SYN3: variants seen among roughly 807,000 people sequenced by gnomAD.
SYN3 encodes the protein synapsin-3.
A neutral mutation model predicts 65.8 loss-of-function variants in SYN3; 35 were observed. That is an observed-to-expected ratio of 0.53 (90% CI 0.41 to 0.70). The LOEUF (loss-of-function observed/expected upper bound fraction) is 0.70. Ranked by LOEUF, SYN3 falls within the 30% of genes least tolerant of loss-of-function variation. The pLI is 0.00. For missense variants in SYN3, 680 were observed against 749.0 expected, an observed-to-expected ratio of 0.91 and a Z score of 1.08; for synonymous variants, 270 against 292.9, an observed-to-expected ratio of 0.92 and a Z score of 0.80.
intron 2 of SYN3, among the ~76,000 whole-genome samples, chr22:32,999,184 C>T (rs2052985109): frequency 6.6e-6 from 1 of 152,130 alleles, no homozygotes; most frequent in East Asian, 1.9e-4. Context: ...TTAAGTTACA[C>T]AAGGGAGGTC....
intron 3 of SYN3, among the ~76,000 whole-genome samples, chr22:32,940,075 G>A (rs2050892312): frequency 6.6e-6 from 1 of 152,116 alleles, no homozygotes; most frequent in Non-Finnish European, 1.5e-5. Context: ...ATAGTACATT[G>A]TAGTTTTAGT....
At chr22:32,999,321 CAG>C (rs1406408646) in intron 2 of SYN3, among the ~76,000 whole-genome samples, 2 of 152,072 alleles carry the variant, frequency 1.3e-5, no homozygotes, top group African/African-American at 4.8e-5. Flanking sequence ...TTCCAGGTAA[CAG>C]GGAACAGAAT....
chr22:32,892,682 G>A (rs1002778815), intron 4 of SYN3, among the ~76,000 whole-genome samples: 6 of 152,150 alleles, frequency 3.9e-5, no homozygotes, highest in Non-Finnish European at 8.8e-5. Flanking sequence ...GGATACCACA[G>A]CCACCCACAG....
chr22:32,520,908 AAT>A (rs2057869692), intron 12 of SYN3, among the ~76,000 whole-genome samples: 1 of 152,186 alleles, frequency 6.6e-6, no homozygotes, highest in Non-Finnish European at 1.5e-5. Context: ...TCATTTGTAA[AAT>A]AAGGTCATTG....
intron 6 of SYN3, among the ~76,000 whole-genome samples, chr22:32,702,923 A>G (rs955970726): frequency 3.9e-5 from 6 of 152,234 alleles, no homozygotes; most frequent in Admixed American, 1.3e-4. Flanking sequence ...GCTAAGTGCA[A>G]TCTAACCAAA....
At chr22:32,643,369 C>T (rs1367423282) in intron 6 of SYN3, among the ~76,000 whole-genome samples, 1 of 152,134 alleles carries the variant, frequency 6.6e-6, no homozygotes, top group African/African-American at 2.4e-5. Context: ...TGAGCCACTG[C>T]GCCCCACCAA....
intron 6 of SYN3, among the ~76,000 whole-genome samples, chr22:32,669,040 A>T (rs2060327772): frequency 6.6e-6 from 1 of 152,224 alleles, no homozygotes; most frequent in Non-Finnish European, 1.5e-5. Context: ...GTTACCTTTT[A>T]TAATTTCTCA....
At position 32,627,369 on chromosome 22, in the gene SYN3, CAG is replaced by C. The variant is rs1370582749; in HGVS notation, c.712-30635_712-30634del. 2.0e-5 allele frequency among the ~76,000 whole-genome samples: 3 copies of C among 152,144 alleles called. 1 individual carries two copies. On this transcript the variant is annotated intron_variant, in intron 6 of 13. Coordinates refer to ENST00000358763, the MANE Select transcript of SYN3 (RefSeq NM_003490.4). The stretch of plus-strand genomic sequence containing the variant: ...GCAAAGATAGTGTGTACGTATGCTG[CAG>C]CTTCTGTGAGCCCTAATGCTCTGCT...
At chr22:32,590,705 G>C (rs1265438026) in intron 7 of SYN3, among the ~76,000 whole-genome samples, 1 of 151,988 alleles carries the variant, frequency 6.6e-6, no homozygotes, top group Non-Finnish European at 1.5e-5. Flanking sequence ...TTTAATTTTG[G>C]CTATTCTCGT....
intron 7 of SYN3, among the ~76,000 whole-genome samples, chr22:32,569,633 T>G (rs528996306): frequency 6.6e-6 from 1 of 151,268 alleles, no homozygotes. Flanking sequence ...ATTGCATGCA[T>G]AAGAGTTTTA....
chr22:32,633,872 A>G (rs1432110629), intron 6 of SYN3, among the ~76,000 whole-genome samples: 1 of 151,428 alleles, frequency 6.6e-6, no homozygotes, highest in Non-Finnish European at 1.5e-5. Context: ...CAATCCATCT[A>G]CCTCGGCCTC....
chr22:32,769,776 C>A (rs148937073), intron 6 of SYN3, among the ~76,000 whole-genome samples: 1 of 152,110 alleles, frequency 6.6e-6, no homozygotes, highest in Non-Finnish European at 1.5e-5. Flanking sequence ...CTCGGCCTCC[C>A]AAAGTGCTGG....
chr22:32,920,235 C>T (rs571959524), intron 4 of SYN3, among the ~76,000 whole-genome samples: 4 of 152,318 alleles, frequency 2.6e-5, no homozygotes, highest in Admixed American at 2.6e-4. Context: ...AGATTGGGGT[C>T]TCATTAACGT....
chr22:32,903,607 G>A lies in SYN3; in HGVS notation c.461+27783C>T, dbSNP rs143116388. Reference sequence around the variant, plus strand: ...GCAGCAGCCTCCATAGCTGGCTGCTGTAGCCCCTCACAGAGCTCATGGTTA... The same window carrying A: ...GCAGCAGCCTCCATAGCTGGCTGCTATAGCCCCTCACAGAGCTCATGGTTA... On this transcript the variant is annotated intron_variant, in intron 4 of 13. Transcript: ENST00000358763. Among the ~76,000 whole-genome samples, 1,137 of 152,300 alleles carry A rather than the reference G, an allele frequency of 7.5e-3. 14 individuals are homozygous for A. Among genetic ancestry groups the A allele is most frequent in the Middle Eastern group, 0.031 (9 of 294 alleles).
In SYN3 at chr22:32,508,246, A is replaced by C. The variant is rs1298307832; in HGVS notation, c.*5446T>G. 6.6e-6 allele frequency among the ~76,000 whole-genome samples: 1 copy of C among 152,128 alleles called. No individual in the cohort carries two copies. Among genetic ancestry groups the C allele is most frequent in the Non-Finnish European group, 1.5e-5 (1 of 68,022 alleles). On this transcript the variant is annotated 3_prime_UTR_variant, in exon 14 of 14. Transcript: ENST00000358763. ...CCTGCCCCACCTTAACTGAGTGATTAACCCTGTAAATTTCCTTCTTCTGGC... is the reference window on the plus strand; with the variant it reads ...CCTGCCCCACCTTAACTGAGTGATTCACCCTGTAAATTTCCTTCTTCTGGC...
intron 2 of SYN3, among the ~76,000 whole-genome samples, chr22:32,984,609 A>C (rs2052471091): frequency 1.3e-5 from 2 of 151,836 alleles, no homozygotes; most frequent in Non-Finnish European, 2.9e-5. Flanking sequence ...CTAAGAGTGC[A>C]ATTTGTAGGG....
intron 6 of SYN3, among the ~76,000 whole-genome samples, chr22:32,709,030 G>GC (rs555588653): frequency 1.1e-3 from 161 of 152,330 alleles, no homozygotes; most frequent in Non-Finnish European, 1.9e-3. Context: ...TCTTGCAGCA[G>GC]CAAGCAGAGG....
At chr22:32,647,204 C>T (rs991741412) in intron 6 of SYN3, among the ~76,000 whole-genome samples, 1 of 152,060 alleles carries the variant, frequency 6.6e-6, no homozygotes, top group Non-Finnish European at 1.5e-5. Flanking sequence ...TCTATGAGTT[C>T]CAAATCCAAG....
chr22:32,896,460 T>A (rs137519), intron 4 of SYN3, among the ~76,000 whole-genome samples: 149,473 of 152,322 alleles, frequency 0.98, 73,348 homozygotes, highest in East Asian at 1. Flanking sequence ...TGTCTCAAAA[T>A]ATAAAAATAA....
Sources: gnomAD v4.1 joint callset for allele counts (sites outside exome capture counted in the v4.1 genomes callset) on GRCh38, gnomAD v4.1.1 for gene constraint, MANE v1.5 for transcripts, NCBI Gene and HGNC (gene_info 2026-07-23, HGNC 2026-07-21) for gene names.